RTKN2: variants seen among roughly 807,000 people sequenced by gnomAD.
RTKN2 encodes rhotekin-2.
Under a neutral mutation model 71.5 loss-of-function variants are expected in RTKN2, and 69 were observed. The ratio of observed to expected loss-of-function variants is 0.96; its 90% CI spans 0.79 to 1.18. The LOEUF is 1.18. Ranked by LOEUF, RTKN2 falls within the 50% of genes most tolerant of loss-of-function variation. The probability of loss-of-function intolerance (pLI) is 0.00; values close to 1 mark genes in which losing one functional copy is unlikely to be tolerated. For synonymous variants in RTKN2, 236 were observed against 236.5 expected, an observed-to-expected ratio of 1.00 and a Z score of 0.02; for missense variants, 724 against 719.7, an observed-to-expected ratio of 1.01 and a Z score of -0.07.
intron 9 of RTKN2, among the ~76,000 whole-genome samples, chr10:62,213,362 C>T (rs1023676738): frequency 3.4e-4 from 51 of 152,232 alleles, no homozygotes; most frequent in African/African-American, 1.2e-3. Flanking sequence ...GGCTCTATAA[C>T]GTACTTGTCT....
intron 6 of RTKN2, among the ~76,000 whole-genome samples, chr10:62,230,891 T>C (rs999912205): frequency 2.6e-5 from 4 of 152,200 alleles, no homozygotes; most frequent in African/African-American, 4.8e-5. Flanking sequence ...GAATTTTGAG[T>C]GCAGGGACCT....
intron 5 of RTKN2, among the ~76,000 whole-genome samples, chr10:62,237,765 A>G (rs1355513642): frequency 1.3e-5 from 2 of 151,568 alleles, no homozygotes; most frequent in Non-Finnish European, 2.9e-5. Flanking sequence ...CAGGGGAAAA[A>G]TGTACTTCAA....
chr10:62,264,439 A>C (rs1842832834), intron 1 of RTKN2, among the ~76,000 whole-genome samples: 1 of 152,094 alleles, frequency 6.6e-6, no homozygotes, highest in Non-Finnish European at 1.5e-5. Flanking sequence ...AATTTCAACA[A>C]CTCCATTTCA....
intron 2 of RTKN2, among the ~76,000 whole-genome samples, chr10:62,248,500 G>C (rs1287786435): frequency 6.6e-6 from 1 of 152,078 alleles, no homozygotes; most frequent in Non-Finnish European, 1.5e-5. Flanking sequence ...GAATTAGAGA[G>C]CCAGCCTGAG....
chr10:62,210,770 TTTTA>T (rs1841643581), intron 9 of RTKN2, among the ~76,000 whole-genome samples: 2 of 152,182 alleles, frequency 1.3e-5, no homozygotes, highest in Admixed American at 1.3e-4. Context: ...AATATAATTA[TTTTA>T]AATTTATATT....
chr10:62,195,606 T>TGAATGAAGGAAGGAAGGAAG lies in RTKN2; in HGVS notation c.*2301_*2302insCTTCCTTCCTTCCTTCATTC, dbSNP rs1168688410. 1.3e-5 allele frequency: 4 copies of TGAATGAAGGAAGGAAGGAAG among 301,676 alleles called. No individual in the cohort carries two copies. The highest frequency in any genetic ancestry group is 2.8e-5 in the African/African-American group (1 of 35,964). The allele number at this position is 301,676 out of a possible 1,614,324, so 18.7% of individuals were successfully genotyped here. On this transcript the variant is annotated 3_prime_UTR_variant, in exon 12 of 12. Coordinates refer to ENST00000373789, the MANE Select transcript of RTKN2 (RefSeq NM_145307.4). ...GGGAAGGAGAGACGGACAGAGGGAA[T>TGAATGAAGGAAGGAAGGAAG]GAAGGAAGGAAGGAAGGAAGGAAGG...
downstream of RTKN2, among the ~76,000 whole-genome samples, chr10:62,192,748 C>A (rs909461926): frequency 6.6e-6 from 1 of 152,156 alleles, no homozygotes; most frequent in African/African-American, 2.4e-5. Flanking sequence ...CCCTAGCCAA[C>A]AGCTAGTCCT....
chr10:62,235,817 A>G (rs1460676100), intron 6 of RTKN2, among the ~76,000 whole-genome samples: 1 of 152,058 alleles, frequency 6.6e-6, no homozygotes, highest in Non-Finnish European at 1.5e-5. Context: ...TCTGGTCTGA[A>G]GGCTTTCAGA....
At chr10:62,187,467 T>C (rs1220936309) in intron 8 of RTKN2, among the ~76,000 whole-genome samples, 1 of 152,128 alleles carries the variant, frequency 6.6e-6, no homozygotes, top group Non-Finnish European at 1.5e-5. Context: ...AGGCCTCTCC[T>C]TTCCTTTTGT....
chr10:62,187,406 G>A (rs894498473), intron 8 of RTKN2, among the ~76,000 whole-genome samples: 5 of 152,088 alleles, frequency 3.3e-5, no homozygotes, highest in African/African-American at 1.2e-4. Context: ...AGCCCCTAAA[G>A]TTTCCTCCCT....
rs754924312 is a variant in RTKN2 at position 62,204,987 on chromosome 10, C to G, written c.1056G>C (p.Lys352Asn). ...TGACAGAGAAATTATGGATTCTTTTCTTGGCATCCTTATCCATTGCCCGGA... is the reference window on the plus strand; with the variant it reads ...TGACAGAGAAATTATGGATTCTTTTGTTGGCATCCTTATCCATTGCCCGGA... ...TRIRAMDKDA[K>N]KRIHNFSVIN... Residue 352 changes from lysine to asparagine, a missense_variant, in exon 10 of 12, where the codon AAG becomes AAC. Transcript: ENST00000373789. 3 of 1,599,116 alleles carry G rather than the reference C, an allele frequency of 1.9e-6. No homozygotes were observed. The highest frequency in any genetic ancestry group is 4.5e-5 in the East Asian group (2 of 44,240).
Position 62,246,153 on chromosome 10 carries a change from C to A in RTKN2, c.258-96G>T, listed in dbSNP as rs3765003. 1,107 of 718,658 alleles carry A rather than the reference C, an allele frequency of 1.5e-3. 20 individuals are homozygous for A. In the East Asian group the frequency reaches 0.026, roughly 17 times the overall value. 44.5% of individuals were successfully genotyped at this position (718,658 alleles called of 1,614,324 possible). A position where few individuals can be genotyped will look rare whatever the true frequency, so the allele number is the denominator to read the frequency against. On this transcript the variant is annotated intron_variant, in intron 2 of 11. Transcript: ENST00000373789. ...AATGTCAAAATATTAAAAGCAAATG[C>A]ATATCCGTGAATAATAATGACTTCC... is the stretch of plus-strand genomic sequence containing the variant.
intron 8 of RTKN2, among the ~76,000 whole-genome samples, chr10:62,217,490 C>T (rs1000358141): frequency 1.3e-5 from 2 of 152,124 alleles, no homozygotes; most frequent in African/African-American, 2.4e-5. Flanking sequence ...CGATTACCAC[C>T]TAACTTTTAC....
chr10:62,236,026 G>A (rs764841854), intron 6 of RTKN2, 40 bp downstream of exon 6: 1 of 1,321,496 alleles, frequency 7.6e-7, no homozygotes, highest in East Asian at 2.3e-5. Flanking sequence ...TATCACAAAT[G>A]TATAATTATG....
At chr10:62,203,980 T>C (rs1387533206) in intron 10 of RTKN2, among the ~76,000 whole-genome samples, 1 of 152,234 alleles carries the variant, frequency 6.6e-6, no homozygotes, top group Non-Finnish European at 1.5e-5. Context: ...GTATTAACTC[T>C]TCCTCATAGT....
At chr10:62,246,432 T>C (rs1842480450) in intron 2 of RTKN2, among the ~76,000 whole-genome samples, 2 of 152,078 alleles carry the variant, frequency 1.3e-5, no homozygotes, top group Admixed American at 1.3e-4. Flanking sequence ...ACTTATCAGA[T>C]ACAGTGGCCT....
chr10:62,265,797 C>T (rs1842858697), intron 1 of RTKN2, among the ~76,000 whole-genome samples: 1 of 152,038 alleles, frequency 6.6e-6, no homozygotes. Flanking sequence ...CTAGTGCTAT[C>T]CCCAGCAAGA....
chr10:62,260,450 A>G (rs1219508788), intron 2 of RTKN2, among the ~76,000 whole-genome samples: 1 of 152,216 alleles, frequency 6.6e-6, no homozygotes, highest in East Asian at 1.9e-4. Flanking sequence ...TAAACAAAGA[A>G]TACATATAGA....
In RTKN2 at chr10:62,196,421, T is replaced by C; in HGVS notation, c.*1487A>G. 1.0e-6 allele frequency: 1 copy of C among 985,388 alleles called. No individual in the cohort carries two copies. Among genetic ancestry groups the C allele is most frequent in the Non-Finnish European group, 1.2e-6 (1 of 829,890 alleles). 61.0% of individuals were successfully genotyped at this position (985,388 alleles called of 1,614,324 possible). On this transcript the variant is annotated 3_prime_UTR_variant, in exon 12 of 12. Transcript: ENST00000373789. The stretch of plus-strand genomic sequence containing the variant: ...TTTGTTATCATTACTCCCTCAAGAT[T>C]CAATTCTTACTAGGAGTCCTGGGCA...
Sources: allele counts gnomAD v4.1 joint callset (sites outside exome capture counted in the v4.1 genomes callset), GRCh38; gene constraint gnomAD v4.1.1; transcripts MANE v1.5; gene names NCBI Gene and HGNC (gene_info 2026-07-23, HGNC 2026-07-21).